Variants in XKR4 observed in about 807,000 individuals in gnomAD.
XKR4 encodes the protein XK related 4, also known as XK-related protein 4.
A neutral mutation model predicts 53.9 loss-of-function variants in XKR4; 12 were observed. The observed-to-expected ratio is 0.22, with a 90% confidence interval of 0.14 to 0.36. The LOEUF is 0.36. Ranked by LOEUF, XKR4 falls within the 10% of genes least tolerant of loss-of-function variation. XKR4 has a pLI of 1.00. For synonymous variants in XKR4, 354 were observed against 362.4 expected (o/e 0.98, Z 0.26); for missense variants, 799 against 859.5 (o/e 0.93, Z 0.88).
At chr8:55,498,433 G>T (rs12542455) in intron 2 of XKR4, among the ~76,000 whole-genome samples, 1 of 152,218 alleles carries the variant, frequency 6.6e-6, no homozygotes, top group East Asian at 1.9e-4. Flanking sequence ...GGCACCGAGC[G>T]CATCCTAGCA....
At chr8:55,404,080 A>G (rs576967449) in intron 2 of XKR4, among the ~76,000 whole-genome samples, 6 of 152,330 alleles carry the variant, frequency 3.9e-5, no homozygotes, top group African/African-American at 9.6e-5. Context: ...CTACATGTAG[A>G]TGTGTATGTG....
intron 1 of XKR4, among the ~76,000 whole-genome samples, chr8:55,293,391 A>G (rs1819058576): frequency 6.6e-6 from 1 of 152,182 alleles, no homozygotes; most frequent in African/African-American, 2.4e-5. Context: ...TATAAGAAGA[A>G]GGAACAAGTG....
rs559642054 is a variant in XKR4 at position 55,523,129 on chromosome 8, G to A, written c.1007-152G>A. 522 of 705,086 alleles carry A rather than the reference G, an allele frequency of 7.4e-4. 6 individuals are homozygous for A. The South Asian group carries it at 0.01, about 14-fold the overall frequency. 43.7% of individuals were successfully genotyped at this position (705,086 alleles called of 1,614,324 possible). A position where few individuals can be genotyped will look rare whatever the true frequency, so the allele number is the denominator to read the frequency against. The stretch of plus-strand genomic sequence containing the variant: ...TGCACTCCAGTCTGGGCAACAGAGC[G>A]AGACTCTGTCTCAAAAAAAAAAAAA... On this transcript the variant is annotated intron_variant, in intron 2 of 2. Coordinates refer to ENST00000327381, the MANE Select transcript of XKR4 (RefSeq NM_052898.2).
At chr8:55,236,669 C>T (rs1427652623) in intron 1 of XKR4, among the ~76,000 whole-genome samples, 1 of 152,192 alleles carries the variant, frequency 6.6e-6, no homozygotes, top group Admixed American at 6.5e-5. Context: ...GGCCCTCTAC[C>T]CTCCTGCATC....
intron 1 of XKR4, among the ~76,000 whole-genome samples, chr8:55,314,323 G>C (rs1435829692): frequency 6.6e-6 from 1 of 152,132 alleles, no homozygotes; most frequent in African/African-American, 2.4e-5. Flanking sequence ...CCAGCCCCAG[G>C]CATGCAAGTT....
chr8:55,216,466 G>A (rs918434218), intron 1 of XKR4, among the ~76,000 whole-genome samples: 35 of 152,242 alleles, frequency 2.3e-4, no homozygotes, highest in African/African-American at 7.5e-4. Flanking sequence ...GGTGGCTCAC[G>A]CCTGTAATCC....
rs746685543 is a variant in XKR4, at chr8:55,457,863, A to G, written c.1007-65418A>G. 2.0e-4 allele frequency among the ~76,000 whole-genome samples: 30 copies of G among 152,246 alleles called. 2 individuals carry two copies. Among genetic ancestry groups the G allele is most frequent in the Non-Finnish European group, 1.5e-5 (1 of 68,048 alleles). Reference sequence around the variant, plus strand: ...TATTTATTTATGACGGTAATAATCAAAAAAGAGGAAAGAAATGGAATTATA... The same window carrying G: ...TATTTATTTATGACGGTAATAATCAGAAAAGAGGAAAGAAATGGAATTATA... On this transcript the variant is annotated intron_variant, in intron 2 of 2. Coordinates refer to ENST00000327381, the MANE Select transcript of XKR4 (RefSeq NM_052898.2).
chr8:55,129,858 A>C (rs1004956574), intron 1 of XKR4, among the ~76,000 whole-genome samples: 4 of 152,210 alleles, frequency 2.6e-5, no homozygotes, highest in African/African-American at 7.2e-5. Flanking sequence ...TTTCTGAGAC[A>C]CAGAGAGGAG....
chr8:55,304,905 A>C (rs1363364853), intron 1 of XKR4, among the ~76,000 whole-genome samples: 1 of 152,062 alleles, frequency 6.6e-6, no homozygotes, highest in Non-Finnish European at 1.5e-5. Context: ...TTATTACCAG[A>C]GGCAGAAATG....
chr8:55,501,175 G>A (rs1806430869), intron 2 of XKR4, among the ~76,000 whole-genome samples: 1 of 152,152 alleles, frequency 6.6e-6, no homozygotes, highest in Non-Finnish European at 1.5e-5. Context: ...AATGTATCTG[G>A]TGCCAAATTA....
At chr8:55,183,434 G>T (rs1301763124) in intron 1 of XKR4, among the ~76,000 whole-genome samples, 1 of 151,594 alleles carries the variant, frequency 6.6e-6, no homozygotes, top group Non-Finnish European at 1.5e-5. Context: ...TATGTTCATT[G>T]TTCATTTTCA....
chr8:55,289,259 C>A (rs1818948419), intron 1 of XKR4, among the ~76,000 whole-genome samples: 1 of 151,956 alleles, frequency 6.6e-6, no homozygotes. Flanking sequence ...CTCACGCCTG[C>A]AATCCCCAGC....
At chr8:55,421,734 A>C (rs1804935695) in intron 2 of XKR4, among the ~76,000 whole-genome samples, 1 of 152,232 alleles carries the variant, frequency 6.6e-6, no homozygotes, top group Non-Finnish European at 1.5e-5. Flanking sequence ...TCAGTTTGTT[A>C]CAATAACCAA....
At chr8:55,232,767 CT>C (rs1818061782) in intron 1 of XKR4, among the ~76,000 whole-genome samples, 1 of 152,182 alleles carries the variant, frequency 6.6e-6, no homozygotes, top group South Asian at 2.1e-4. Flanking sequence ...CCCTCCAAGT[CT>C]TAGGTATTCC....
chr8:55,482,032 C>T (rs968435722), intron 2 of XKR4, among the ~76,000 whole-genome samples: 1 of 152,164 alleles, frequency 6.6e-6, no homozygotes, highest in Non-Finnish European at 1.5e-5. Context: ...TTGACCCAGC[C>T]ATCCCATTAC....
chr8:55,187,323 A>AG (rs1247641850), intron 1 of XKR4, among the ~76,000 whole-genome samples: 9 of 151,546 alleles, frequency 5.9e-5, no homozygotes, highest in Non-Finnish European at 1.0e-4. Context: ...AAAAAAAAAA[A>AG]AAGAAGAAGA....
intron 1 of XKR4, among the ~76,000 whole-genome samples, chr8:55,212,115 GAAA>G (rs752591849): frequency 7.5e-6 from 1 of 133,570 alleles, no homozygotes; most frequent in African/African-American, 2.7e-5. Context: ...GTGTCTGGGT[GAAA>G]AAAAAAAAAG....
At chr8:55,292,475 G>T (rs1210012877) in intron 1 of XKR4, among the ~76,000 whole-genome samples, 2 of 152,168 alleles carry the variant, frequency 1.3e-5, no homozygotes, top group East Asian at 3.9e-4. Flanking sequence ...TGGATTTGAT[G>T]TCTGTGGGGT....
chr8:55,407,307 C>A (rs978957825), intron 2 of XKR4, among the ~76,000 whole-genome samples: 4 of 152,288 alleles, frequency 2.6e-5, no homozygotes, highest in East Asian at 1.9e-4. Flanking sequence ...GCGGGGCTTT[C>A]GCACTGCTTC....
Sources: allele counts gnomAD v4.1 joint callset (sites outside exome capture counted in the v4.1 genomes callset), GRCh38; gene constraint gnomAD v4.1.1; transcripts MANE v1.5; gene names NCBI Gene and HGNC (gene_info 2026-07-23, HGNC 2026-07-21).